Variants in SPATA6 observed in about 807,000 individuals in gnomAD.
The protein encoded by SPATA6 is spermatogenesis associated 6.
In SPATA6, 56 loss-of-function variants were observed where a neutral mutation model predicts 65.3. That is an observed-to-expected ratio of 0.86 (90% confidence interval 0.69 to 1.07). SPATA6 has a LOEUF of 1.07. Ranked by LOEUF, SPATA6 falls within the 50% of genes least tolerant of loss-of-function variation. The pLI is 0.00. For synonymous variants in SPATA6, 199 were observed against 213.2 expected (o/e 0.93, Z 0.58); for missense variants, 590 against 594.8 (o/e 0.99, Z 0.08).
intron 3 of SPATA6, chr1:48,437,125 G>T: frequency 6.2e-7 from 1 of 1,600,372 alleles, no homozygotes; most frequent in East Asian, 2.2e-5. Flanking sequence ...GTTGCCTCCT[G>T]CTTATAACAA....
intron 11 of SPATA6, among the ~76,000 whole-genome samples, chr1:48,333,106 G>A (rs1247030549): frequency 2.0e-5 from 3 of 152,122 alleles, no homozygotes; most frequent in African/African-American, 7.2e-5. Context: ...TGAGTAGGTG[G>A]ACTGGGAGAA....
chr1:48,421,762 T>C (rs1256184445), intron 3 of SPATA6, among the ~76,000 whole-genome samples: 1 of 152,002 alleles, frequency 6.6e-6, no homozygotes, highest in East Asian at 1.9e-4. Context: ...ACAAATATAG[T>C]CAGAAATATA....
chr1:48,465,067 G>A (rs767330048), intron 1 of SPATA6, among the ~76,000 whole-genome samples: 4 of 152,058 alleles, frequency 2.6e-5, no homozygotes, highest in East Asian at 1.9e-4. Context: ...TCAACTAGAC[G>A]ATCTTTGAAA....
chr1:48,303,789 C>T (rs1644995367), intron 12 of SPATA6, among the ~76,000 whole-genome samples: 1 of 152,050 alleles, frequency 6.6e-6, no homozygotes, highest in African/African-American at 2.4e-5. Flanking sequence ...AGTAGATTTT[C>T]TTGATAAATG....
At position 48,469,472 on chromosome 1, in the gene SPATA6, T is replaced by TTA. The variant is rs59371419; in HGVS notation, c.51+2484_51+2485dup. ...CTATTTCATAAAAACAAATATCTAT[T>TTA]TATATATATATATATATATATATAT... On this transcript the variant is annotated intron_variant, in intron 1 of 12. Coordinates refer to ENST00000371847, the MANE Select transcript of SPATA6 (RefSeq NM_019073.4). 3.1e-3 allele frequency among the ~76,000 whole-genome samples: 455 copies of TTA among 144,458 alleles called. 3 individuals are homozygous for TTA. The highest frequency in any genetic ancestry group is 9.5e-3 in the African/African-American group (377 of 39,642). 94.8% of individuals were successfully genotyped at this position (144,458 alleles called of 152,430 possible).
the SPATA6 span, among the ~76,000 whole-genome samples, chr1:48,264,592 C>T: frequency 6.6e-6 from 1 of 152,124 alleles, no homozygotes; most frequent in Non-Finnish European, 1.5e-5. Context: ...TTGTTCAACT[C>T]CCACTTATGA....
At chr1:48,289,927 G>A in the SPATA6 span, among the ~76,000 whole-genome samples, 41 of 152,192 alleles carry the variant, frequency 2.7e-4, no homozygotes, top group Non-Finnish European at 4.1e-4. Context: ...AAAACACTCT[G>A]CAGGATATTA....
rs936881052 is a variant in SPATA6, at chr1:48,365,473, C to A, written c.910-5703G>T. Among the ~76,000 whole-genome samples, 6 of 152,154 alleles carry A rather than the reference C, an allele frequency of 3.9e-5. No homozygotes were observed. In the South Asian group the frequency reaches 8.3e-4, roughly 21 times the overall value. On this transcript the variant is annotated intron_variant, in intron 9 of 12. Coordinates refer to ENST00000371847, the MANE Select transcript of SPATA6 (RefSeq NM_019073.4). ...ATTTGTTTGTATCCTCTTTTATTTC[C>A]TTGAGCAGTGGTTTATAGTTCTCCT...
the SPATA6 span, among the ~76,000 whole-genome samples, chr1:48,273,908 G>A: frequency 6.6e-6 from 1 of 152,164 alleles, no homozygotes. Flanking sequence ...GATCCTTGAG[G>A]AATCGCCACA....
chr1:48,316,064 T>C (rs1310037892), intron 11 of SPATA6, among the ~76,000 whole-genome samples: 1 of 152,158 alleles, frequency 6.6e-6, no homozygotes, highest in Non-Finnish European at 1.5e-5. Context: ...CATTCCATGC[T>C]CACGGGTAGG....
intron 3 of SPATA6, among the ~76,000 whole-genome samples, chr1:48,445,651 C>T (rs1486532962): frequency 1.9e-5 from 2 of 103,016 alleles, no homozygotes; most frequent in African/African-American, 4.1e-5. Flanking sequence ...GAGAGTGAGA[C>T]TCTGTCTCAA....
chr1:48,446,333 G>T (rs1656050852), intron 3 of SPATA6, among the ~76,000 whole-genome samples: 2 of 152,108 alleles, frequency 1.3e-5, no homozygotes, highest in Admixed American at 6.5e-5. Flanking sequence ...TAGCAGGGAG[G>T]CTATTTACGG....
At chr1:48,337,322 A>G (rs1271851891) in intron 11 of SPATA6, among the ~76,000 whole-genome samples, 5 of 151,946 alleles carry the variant, frequency 3.3e-5, no homozygotes, top group African/African-American at 4.8e-5. Context: ...ATAAAACCTT[A>G]TATTTGTAAT....
intron 9 of SPATA6, among the ~76,000 whole-genome samples, chr1:48,379,057 TAA>T (rs1338680232): frequency 6.6e-6 from 1 of 152,182 alleles, no homozygotes; most frequent in Non-Finnish European, 1.5e-5. Context: ...CACACTGCTA[TAA>T]AGACATACCC....
rs1645725678 is a variant in SPATA6 at position 48,325,354 on chromosome 1, C to T, written c.1195-19476G>A. On this transcript the variant is annotated intron_variant, in intron 11 of 12. Transcript: ENST00000371847. ...CCCCCGTAGAGTCCTCCCCTGAAGG[C>T]AAAGTTCTGCATGCGCCTTCTCCCT... is the stretch of plus-strand genomic sequence containing the variant. 3 of 1,357,154 alleles carry T rather than the reference C, an allele frequency of 2.2e-6. No homozygotes were observed. In the African/African-American group the frequency reaches 4.4e-5, roughly 20 times the overall value. The allele number at this position is 1,357,154 out of a possible 1,614,324, so 84.1% of individuals were successfully genotyped here.
chr1:48,335,953 A>C (rs567676376), intron 11 of SPATA6, among the ~76,000 whole-genome samples: 3 of 152,172 alleles, frequency 2.0e-5, no homozygotes, highest in Non-Finnish European at 4.4e-5. Flanking sequence ...GAACAATCCC[A>C]TTAAAAAGTG....
chr1:48,340,019 G>T (rs1321826203), intron 11 of SPATA6, among the ~76,000 whole-genome samples: 1 of 151,784 alleles, frequency 6.6e-6, no homozygotes, highest in Non-Finnish European at 1.5e-5. Flanking sequence ...AGAAGCCAGA[G>T]ATAAATGACA....
chr1:48,319,218 G>C (rs1342352802), intron 11 of SPATA6, among the ~76,000 whole-genome samples: 1 of 152,156 alleles, frequency 6.6e-6, no homozygotes, highest in East Asian at 1.9e-4. Context: ...CAATTTCTGA[G>C]ATATCCTAAG....
At chr1:48,447,883 T>C (rs1656205918) in intron 3 of SPATA6, 1 of 151,972 alleles carries the variant, frequency 6.6e-6, no homozygotes, top group Non-Finnish European at 1.5e-5. Context: ...ACTCATGAAA[T>C]AGGGCAAAGT....
Sources: gnomAD v4.1 joint callset for allele counts (sites outside exome capture counted in the v4.1 genomes callset) on GRCh38, gnomAD v4.1.1 for gene constraint, MANE v1.5 for transcripts, NCBI Gene and HGNC (gene_info 2026-07-23, HGNC 2026-07-21) for gene names.